NFX1: variants seen among roughly 807,000 people sequenced by gnomAD.
The protein encoded by NFX1 is transcriptional repressor NF-X1.
In NFX1, 69 loss-of-function variants were observed where a neutral mutation model predicts 137.2. The ratio of observed to expected loss-of-function variants is 0.50; its 90% CI spans 0.41 to 0.61. NFX1 has a LOEUF of 0.61. NFX1 is among the 20% of genes least tolerant of loss of function. NFX1 has a pLI of 0.00. For synonymous variants in NFX1, 495 were observed against 474.1 expected, an observed-to-expected ratio of 1.04 and a Z score of -0.57; for missense variants, 1,167 against 1,391.0, an observed-to-expected ratio of 0.84 and a Z score of 2.56.
At chr9:33,358,878 T>C (rs1823903293) in intron 19 of NFX1, among the ~76,000 whole-genome samples, 1 of 151,576 alleles carries the variant, frequency 6.6e-6, no homozygotes, top group Non-Finnish European at 1.5e-5. Context: ...GTTTTTTTTT[T>C]GGTAGAGATG....
chr9:33,311,070 G>T, intron 5 of NFX1, 36 bp from the exon 6 acceptor site: 1 of 1,606,286 alleles, frequency 6.2e-7, no homozygotes, highest in South Asian at 1.1e-5. Context: ...TTGGATACAT[G>T]GCTGTGGTTT....
intron 10 of NFX1, among the ~76,000 whole-genome samples, chr9:33,330,498 C>G (rs1214347248): frequency 6.6e-6 from 1 of 152,132 alleles, no homozygotes; most frequent in Admixed American, 6.6e-5. Context: ...AGGTATGGGA[C>G]CACTTTTGTA....
intron 11 of NFX1, among the ~76,000 whole-genome samples, chr9:33,337,468 C>T (rs1475813135): frequency 1.3e-5 from 2 of 152,204 alleles, no homozygotes; most frequent in South Asian, 2.1e-4. Context: ...AAAGTTTGTA[C>T]ACCCATCTAC....
chr9:33,346,459 C>T (rs918608256), intron 14 of NFX1, among the ~76,000 whole-genome samples: 8 of 152,168 alleles, frequency 5.3e-5, no homozygotes, highest in African/African-American at 1.7e-4. Flanking sequence ...TAGTTCAATA[C>T]ACATGATACA....
intron 5 of NFX1, among the ~76,000 whole-genome samples, chr9:33,308,090 C>T (rs1213153949): frequency 6.6e-6 from 1 of 152,116 alleles, no homozygotes; most frequent in Non-Finnish European, 1.5e-5. Context: ...CTGGTGTGAG[C>T]CACCACACCC....
At chr9:33,328,245 G>A (rs910249801) in intron 9 of NFX1, among the ~76,000 whole-genome samples, 3 of 150,388 alleles carry the variant, frequency 2.0e-5, no homozygotes, top group Non-Finnish European at 3.0e-5. Context: ...AGGTGATCTC[G>A]AGCTCCTGGG....
chr9:33,333,389 T>G (rs1414510905), intron 11 of NFX1, among the ~76,000 whole-genome samples: 1 of 152,168 alleles, frequency 6.6e-6, no homozygotes, highest in Admixed American at 6.6e-5. Flanking sequence ...CCGAGATTGG[T>G]TAATTTTAGC....
chr9:33,329,457 A>T (rs1822719144), intron 10 of NFX1, among the ~76,000 whole-genome samples: 1 of 152,144 alleles, frequency 6.6e-6, no homozygotes, highest in Admixed American at 6.5e-5. Context: ...TGGACTATCC[A>T]GTGACTCAAG....
intron 5 of NFX1, among the ~76,000 whole-genome samples, chr9:33,308,072 C>T (rs2993125): frequency 0.025 from 3,818 of 152,112 alleles, 168 homozygotes; most frequent in African/African-American, 0.087. Flanking sequence ...CCCAACATGC[C>T]AGGATTACTG....
Position 33,301,322 on chromosome 9 carries a change from G to A in NFX1, c.1093G>A (p.Val365Ile), listed in dbSNP as rs1375994232. Reference protein sequence around the residue: ...KYECMVCCELVRVTAPVWSCQ... With the variant: ...KYECMVCCELIRVTAPVWSCQ... Reference sequence around the variant, plus strand: ...CGAGTGCATGGTGTGCTGTGAATTGGTTCGTGTCACGGCCCCAGTGTGGAG... The same window carrying A: ...CGAGTGCATGGTGTGCTGTGAATTGATTCGTGTCACGGCCCCAGTGTGGAG... The change falls in exon 3 of 24, where the codon GTT (valine) becomes ATT (isoleucine). Residue 365 changes from valine (V) to isoleucine (I), a missense_variant. Physicochemically the swap from Val to Ile is conservative, Grantham distance 29. Around this residue, in one of 3 missense-constraint regions of NFX1, gnomAD observed 488 missense variants for 691.5 expected, o/e 0.71. Transcript: ENST00000379540. The A allele has an allele frequency of 6.2e-7, 1 of 1,614,170 alleles. No individual in the cohort carries two copies. The highest frequency in any genetic ancestry group is 1.1e-5 in the South Asian group (1 of 91,076).
At chr9:33,368,282 G>A (rs753192767) in intron 23 of NFX1, among the ~76,000 whole-genome samples, 8 of 152,118 alleles carry the variant, frequency 5.3e-5, no homozygotes, top group Non-Finnish European at 1.0e-4. Flanking sequence ...GGGTGTGGGG[G>A]TGAGAATTGC....
chr9:33,355,079 A>G (rs1176764335), intron 19 of NFX1, among the ~76,000 whole-genome samples, 187 bp downstream of exon 19: 2 of 152,236 alleles, frequency 1.3e-5, no homozygotes, highest in Non-Finnish European at 2.9e-5. Context: ...AGGTGATTTC[A>G]GCATATTGAG....
intron 7 of NFX1, among the ~76,000 whole-genome samples, chr9:33,316,311 C>CTT (rs76394304): frequency 1.4e-5 from 2 of 140,814 alleles, no homozygotes; most frequent in African/African-American, 5.2e-5. Context: ...CTTACCAAGC[C>CTT]TTTTTTTTTT....
At chr9:33,313,076 G>A (rs1016265768) in intron 6 of NFX1, among the ~76,000 whole-genome samples, 2 of 152,050 alleles carry the variant, frequency 1.3e-5, no homozygotes, top group Admixed American at 6.6e-5. Context: ...CTGTCCTCCC[G>A]TCTGTAAAGT....
At chr9:33,341,020 G>T (rs756822193) in intron 12 of NFX1, among the ~76,000 whole-genome samples, 1 of 152,156 alleles carries the variant, frequency 6.6e-6, no homozygotes, top group Non-Finnish European at 1.5e-5. Flanking sequence ...TCCAACATCT[G>T]CCTGTTACCC....
intron 18 of NFX1, 139 bp from the exon 19 acceptor site, chr9:33,354,712 G>A (rs1823755076): frequency 4.2e-6 from 3 of 709,134 alleles, no homozygotes; most frequent in Non-Finnish European, 6.9e-6. Flanking sequence ...TGGCCTCACA[G>A]GCTGCTTCCT....
chr9:33,308,331 A>G (rs534799507), intron 5 of NFX1, among the ~76,000 whole-genome samples: 19 of 152,162 alleles, frequency 1.2e-4, no homozygotes, highest in Non-Finnish European at 2.2e-4. Context: ...AGTCCCAGCT[A>G]CTTGGGAGGC....
chr9:33,354,803 T>C, intron 18 of NFX1, 48 bp from the exon 19 acceptor site: 2 of 1,549,818 alleles, frequency 1.3e-6, no homozygotes, highest in South Asian at 1.2e-5. Context: ...GGATGGGAGC[T>C]GTACAGTCTG....
chr9:33,352,341 C>T (rs959993159), intron 16 of NFX1: 2 of 500,990 alleles, frequency 4.0e-6, no homozygotes, highest in Admixed American at 4.7e-5. Flanking sequence ...GGCTAGGCCA[C>T]AGTTGGGCCT....
Sources: allele counts gnomAD v4.1 joint callset (sites outside exome capture counted in the v4.1 genomes callset), GRCh38; gene constraint gnomAD v4.1.1; regional missense constraint gnomAD v4.1.1; transcripts MANE v1.5; gene names NCBI Gene and HGNC (gene_info 2026-07-23, HGNC 2026-07-21).